The following EFTUD2 variants were observed in gnomAD, a reference collection of about 807,000 sequenced individuals.
The protein encoded by EFTUD2 is elongation factor Tu GTP binding domain containing 2.
Under a neutral mutation model 114.3 loss-of-function variants are expected in EFTUD2, and 9 were observed. The observed-to-expected ratio is 0.08, with a 90% CI of 0.05 to 0.14. The LOEUF is 0.14. Ranked by LOEUF, EFTUD2 falls within the 10% of genes least tolerant of loss-of-function variation. EFTUD2 has a pLI of 1.00. For synonymous variants in EFTUD2, 449 were observed against 462.3 expected (o/e 0.97, Z 0.37); for missense variants, 765 against 1,241.2 (o/e 0.62, Z 5.76).
chr17:44,886,241 G>C (rs2145557523), intron 3 of EFTUD2, among the ~76,000 whole-genome samples: 1 of 152,132 alleles, frequency 6.6e-6, no homozygotes, highest in African/African-American at 2.4e-5. Flanking sequence ...CTCAAAAAAA[G>C]AAAAAGAAAT....
At chr17:44,858,940 C>T (rs1188713710) in intron 19 of EFTUD2, 140 bp downstream of exon 19, 2 of 657,292 alleles carry the variant, frequency 3.0e-6, no homozygotes, top group Non-Finnish European at 5.5e-6. Context: ...CAAAAACCTT[C>T]CCATATAAGG....
rs531555476 is a variant in EFTUD2, at chr17:44,892,908, G to T, written c.105+1509C>A. On this transcript the variant is annotated intron_variant, in intron 2 of 27. Coordinates refer to ENST00000426333, the MANE Select transcript of EFTUD2 (RefSeq NM_004247.4). ...CTCCCAAAATGCTGGAATTACAGGC[G>T]TAAGCCACCACACCTGACTGTAAAC... Among the ~76,000 whole-genome samples, 6 of 151,686 alleles carry T rather than the reference G, an allele frequency of 4.0e-5. No homozygotes were observed. The East Asian group carries it at 1.2e-3, about 30-fold the overall frequency.
intron 2 of EFTUD2, among the ~76,000 whole-genome samples, chr17:44,893,777 G>C (rs1401124103): frequency 8.3e-6 from 1 of 120,292 alleles, no homozygotes; most frequent in African/African-American, 3.0e-5. Context: ...TGGGGGGGGG[G>C]GTGGGGGGGC....
At chr17:44,859,239 A>G (rs1247596326) in intron 18 of EFTUD2, 58 bp from the exon 19 acceptor site, 2 of 1,240,096 alleles carry the variant, frequency 1.6e-6, no homozygotes, top group African/African-American at 3.0e-5. Flanking sequence ...AGGCACACAC[A>G]AACAAAATCA....
chr17:44,867,698 T>C, intron 13 of EFTUD2, 109 bp downstream of exon 13: 2 of 935,918 alleles, frequency 2.1e-6, no homozygotes, highest in Non-Finnish European at 3.0e-6. Flanking sequence ...ACCCTTATAC[T>C]TGACATAAAA....
At chr17:44,866,537 C>G (rs1192310083) in intron 13 of EFTUD2, among the ~76,000 whole-genome samples, 3 of 152,148 alleles carry the variant, frequency 2.0e-5, no homozygotes, top group Admixed American at 6.6e-5. Flanking sequence ...AGCCACCACG[C>G]CTGGCTAATT....
chr17:44,881,049 T>G lies in EFTUD2; in HGVS notation c.529-405A>C, dbSNP rs114965571. On this transcript the variant is annotated intron_variant, in intron 7 of 27. Transcript: ENST00000426333. ...GCTATGACAGAAATAAACATTTTTT[T>G]TAAAACTCCAAACAAATACATAAAT... is the stretch of plus-strand genomic sequence containing the variant. Among the ~76,000 whole-genome samples the G allele has an allele frequency of 1.2e-3, 185 of 152,284 alleles. 1 individual carries two copies. The highest frequency in any genetic ancestry group is 4.5e-3 in the African/African-American group (185 of 41,560).
Position 44,853,346 on chromosome 17 carries a change from C to T in EFTUD2, c.2511G>A (p.Gln837=). 6.2e-7 allele frequency: 1 copy of T among 1,614,140 alleles called. No homozygotes were observed. Among genetic ancestry groups the T allele is most frequent in the Non-Finnish European group, 8.5e-7 (1 of 1,179,984 alleles). Reference sequence around the variant, plus strand: ...CTGCAGAGACGCAATCTGCAGGGGCCTGGACCTCTACAAAGTAGTAAGGCT... The same window carrying T: ...CTGCAGAGACGCAATCTGCAGGGGCTTGGACCTCTACAAAGTAGTAAGGCT... ...LMEPYYFVEV[Q]APADCVSAVY... is the part of the protein sequence containing the mutation. Residue 837 remains glutamine, a synonymous_variant, in exon 25 of 28, where the codon CAG becomes CAA. Transcript: ENST00000426333.
intron 2 of EFTUD2, 82 bp downstream of exon 2, chr17:44,894,335 A>C: frequency 8.3e-7 from 1 of 1,202,414 alleles, no homozygotes; most frequent in Non-Finnish European, 1.2e-6. Flanking sequence ...GCGCCACTGC[A>C]CTCCAACCTG....
rs560897070 is a variant in EFTUD2, at chr17:44,892,669, G to A, written c.105+1748C>T. On this transcript the variant is annotated intron_variant, in intron 2 of 27. Transcript: ENST00000426333. ...TTTTTTTTTTTTGAGATGGAGTCTC[G>A]CTGTGTCACCCAGGCTGGAGAGCAG... Among the ~76,000 whole-genome samples the A allele has an allele frequency of 3.0e-3, 365 of 119,718 alleles. 1 individual carries two copies. Among genetic ancestry groups the A allele is most frequent in the Middle Eastern group, 0.03 (4 of 132 alleles). 78.5% of individuals were successfully genotyped at this position (119,718 alleles called of 152,430 possible).
At position 44,872,208 on chromosome 17, in the gene EFTUD2, A is replaced by T. The variant is rs73309179; in HGVS notation, c.994+238T>A. Among the ~76,000 whole-genome samples the T allele has an allele frequency of 0.017, 2,548 of 152,230 alleles. 53 individuals carry two copies. Among genetic ancestry groups the T allele is most frequent in the African/African-American group, 0.05 (2,060 of 41,534 alleles). ...CTCTAGGAGAGACTTTTATTCCTAA[A>T]ATGACCTCCTTCTTCTCCCATGTCC... On this transcript the variant is annotated intron_variant, in intron 11 of 27. Coordinates refer to ENST00000426333, the MANE Select transcript of EFTUD2 (RefSeq NM_004247.4).
chr17:44,852,692 T>C (rs2050476481), intron 25 of EFTUD2, 130 bp from the exon 26 acceptor site: 1 of 1,192,410 alleles, frequency 8.4e-7, no homozygotes, highest in Non-Finnish European at 1.2e-6. Flanking sequence ...TAACCAAGAA[T>C]GTTCTACAAA....
intron 18 of EFTUD2, chr17:44,859,627 C>A: frequency 1.8e-6 from 1 of 548,070 alleles, no homozygotes; most frequent in Non-Finnish European, 3.3e-6. Context: ...AAGACATCTG[C>A]GGAACACAAA....
At chr17:44,869,873 G>C (rs1166950731) in intron 11 of EFTUD2, among the ~76,000 whole-genome samples, 3 of 152,148 alleles carry the variant, frequency 2.0e-5, no homozygotes, top group Admixed American at 2.0e-4. Flanking sequence ...TCATCACTCT[G>C]TGGGATTCTG....
At chr17:44,853,080 C>T (rs1295357585) in intron 25 of EFTUD2, among the ~76,000 whole-genome samples, 1 of 152,110 alleles carries the variant, frequency 6.6e-6, no homozygotes, top group Non-Finnish European at 1.5e-5. Flanking sequence ...CGGGGTTTCA[C>T]TGTGTTAGCC....
chr17:44,872,736 T>C, intron 10 of EFTUD2, 166 bp from the exon 11 acceptor site: 1 of 689,046 alleles, frequency 1.5e-6, no homozygotes, highest in Non-Finnish European at 2.2e-6. Context: ...AGTGACATGA[T>C]GGAGCTGTTC....
chr17:44,861,462 G>T (rs1275152864), intron 16 of EFTUD2, among the ~76,000 whole-genome samples: 1 of 150,938 alleles, frequency 6.6e-6, no homozygotes, highest in Admixed American at 6.6e-5. Flanking sequence ...GGCTGGGAGC[G>T]GTGGCTCACA....
At chr17:44,891,305 G>C (rs2051274023) in intron 2 of EFTUD2, among the ~76,000 whole-genome samples, 1 of 152,212 alleles carries the variant, frequency 6.6e-6, no homozygotes, top group South Asian at 2.1e-4. Flanking sequence ...TCACAGCAAT[G>C]ACACTGAGGA....
At chr17:44,868,492 G>A in intron 11 of EFTUD2, 142 bp from the exon 12 acceptor site, 1 of 706,534 alleles carries the variant, frequency 1.4e-6, no homozygotes, top group Non-Finnish European at 2.3e-6. Flanking sequence ...AACCAGAGAG[G>A]AAAACGAGGA....
Sources: allele counts gnomAD v4.1 joint callset (sites outside exome capture counted in the v4.1 genomes callset), GRCh38; gene constraint gnomAD v4.1.1; transcripts MANE v1.5; gene names NCBI Gene and HGNC (gene_info 2026-07-23, HGNC 2026-07-21).